Variants in CDKAL1 observed in about 807,000 individuals in gnomAD.
The protein encoded by CDKAL1 is threonylcarbamoyladenosine tRNA methylthiotransferase.
Under a neutral mutation model 68.2 loss-of-function variants are expected in CDKAL1, and 32 were observed. The observed-to-expected ratio is 0.47, with a 90% confidence interval of 0.35 to 0.63. The LOEUF (loss-of-function observed/expected upper bound fraction) is 0.63, where lower values mean the gene tolerates loss of function less well. Among genes scored for constraint, CDKAL1 ranks in the 30% least tolerant of loss-of-function variants. The pLI is 0.00. For synonymous variants in CDKAL1, 234 were observed against 244.3 expected (o/e 0.96, Z 0.39); for missense variants, 606 against 696.7 (o/e 0.87, Z 1.47).
Position 20,546,359 on chromosome 6 carries a change from T to C in CDKAL1, c.9T>C (p.Ser3=). 6.2e-7 allele frequency: 1 copy of C among 1,611,022 alleles called. No individual in the cohort carries two copies. The highest frequency in any genetic ancestry group is 8.5e-7 in the Non-Finnish European group (1 of 1,178,124). MP[S]ASCDTLLDDI... Reference sequence around the variant, plus strand: ...TTTATGTGGTAGAGAATATGCCTTCTGCATCCTGTGATACACTACTGGATG... The same window carrying C: ...TTTATGTGGTAGAGAATATGCCTTCCGCATCCTGTGATACACTACTGGATG... Residue 3 remains serine, a synonymous_variant, in exon 3 of 16, where the codon TCT becomes TCC. Transcript: ENST00000274695.
intron 4 of CDKAL1, among the ~76,000 whole-genome samples, chr6:20,562,004 C>T (rs914862566): frequency 3.3e-5 from 5 of 152,100 alleles, no homozygotes; most frequent in Admixed American, 6.6e-5. Flanking sequence ...TAATTTAATC[C>T]ATTCTTATTC....
At chr6:20,854,503 A>G (rs977809811) in intron 9 of CDKAL1, among the ~76,000 whole-genome samples, 20 of 152,264 alleles carry the variant, frequency 1.3e-4, no homozygotes, top group African/African-American at 3.6e-4. Flanking sequence ...GTATGATAAC[A>G]GTACATTATC....
At chr6:21,186,139 A>G (rs937166746) in intron 13 of CDKAL1, among the ~76,000 whole-genome samples, 5 of 152,144 alleles carry the variant, frequency 3.3e-5, no homozygotes, top group Admixed American at 1.3e-4. Context: ...TGTATTGCCC[A>G]CTGCTGAAAG....
intron 9 of CDKAL1, among the ~76,000 whole-genome samples, chr6:20,950,794 G>A (rs913324627): frequency 5.9e-5 from 9 of 151,932 alleles, no homozygotes; most frequent in Admixed American, 2.6e-4. Context: ...GCGAAAGCCC[G>A]TCTTTACTAA....
intron 4 of CDKAL1, among the ~76,000 whole-genome samples, chr6:20,553,355 A>C (rs1763906560): frequency 6.6e-6 from 1 of 151,910 alleles, no homozygotes; most frequent in Non-Finnish European, 1.5e-5. Context: ...CTAAAAATAC[A>C]AAAATTAGCC....
At chr6:20,708,935 A>G (rs1771724384) in intron 5 of CDKAL1, among the ~76,000 whole-genome samples, 1 of 152,126 alleles carries the variant, frequency 6.6e-6, no homozygotes, top group Non-Finnish European at 1.5e-5. Flanking sequence ...TAATAGTCAA[A>G]CATTGGTCAT....
Position 20,897,363 on chromosome 6 carries a change from A to G in CDKAL1, c.742+51185A>G, listed in dbSNP as rs535398154. Among the ~76,000 whole-genome samples, 31 of 152,286 alleles carry G rather than the reference A, an allele frequency of 2.0e-4. No homozygotes were observed. In the South Asian group the frequency reaches 2.7e-3, roughly 13 times the overall value. ...ATTGGGCACGAGTGGAGGTAGAAAG[A>G]TGCAGGCTCAGATGAAGAAGTGATT... On this transcript the variant is annotated intron_variant, in intron 9 of 15. Coordinates refer to ENST00000274695, the MANE Select transcript of CDKAL1 (RefSeq NM_017774.3).
At chr6:21,149,742 CTGGGAAGT>C (rs1317699802) in intron 13 of CDKAL1, among the ~76,000 whole-genome samples, 1 of 152,178 alleles carries the variant, frequency 6.6e-6, no homozygotes, top group African/African-American at 2.4e-5. Context: ...GATGCAAACA[CTGGGAAGT>C]TGGCTAAGGT....
intron 9 of CDKAL1, among the ~76,000 whole-genome samples, chr6:20,925,000 G>T (rs1416984625): frequency 1.3e-5 from 2 of 152,236 alleles, no homozygotes; most frequent in Non-Finnish European, 2.9e-5. Flanking sequence ...CAGTTCTGTT[G>T]TGGGTAAAAT....
At chr6:20,699,689 A>G (rs1010779877) in intron 5 of CDKAL1, among the ~76,000 whole-genome samples, 2 of 152,154 alleles carry the variant, frequency 1.3e-5, no homozygotes, top group African/African-American at 4.8e-5. Flanking sequence ...AACTTAGGAG[A>G]ATAAAAGCTC....
intron 9 of CDKAL1, among the ~76,000 whole-genome samples, chr6:20,884,513 G>A (rs973716235): frequency 1.3e-5 from 2 of 152,132 alleles, no homozygotes; most frequent in Non-Finnish European, 2.9e-5. Context: ...TCAGAGCAGT[G>A]AAACAGGAAA....
chr6:20,715,273 C>A (rs11963770), intron 5 of CDKAL1, among the ~76,000 whole-genome samples: 8,619 of 152,212 alleles, frequency 0.057, 803 homozygotes, highest in African/African-American at 0.19. Flanking sequence ...ACCCTCCCCC[C>A]ACCTTTTTAA....
At chr6:20,633,304 T>C (rs1205549837) in intron 4 of CDKAL1, among the ~76,000 whole-genome samples, 1 of 152,236 alleles carries the variant, frequency 6.6e-6, no homozygotes, top group East Asian at 1.9e-4. Flanking sequence ...TGTTCTTTTG[T>C]GCCTGACCTC....
chr6:20,908,364 T>C (rs951842904), intron 9 of CDKAL1, among the ~76,000 whole-genome samples: 8 of 152,316 alleles, frequency 5.3e-5, no homozygotes, highest in African/African-American at 1.9e-4. Context: ...TACTTGAAAA[T>C]ATTTACCATT....
intron 5 of CDKAL1, among the ~76,000 whole-genome samples, chr6:20,671,051 A>G (rs12527373): frequency 0.041 from 6,282 of 152,302 alleles, 182 homozygotes; most frequent in Middle Eastern, 0.061. Context: ...TCTAGAGTGC[A>G]GACTGCTGGA....
chr6:20,792,497 T>C (rs1186424661), intron 8 of CDKAL1, among the ~76,000 whole-genome samples: 5 of 152,236 alleles, frequency 3.3e-5, no homozygotes, highest in African/African-American at 1.2e-4. Context: ...TTATGTACTG[T>C]TCTGTTACTG....
intron 12 of CDKAL1, among the ~76,000 whole-genome samples, chr6:21,103,541 G>A (rs1004050164): frequency 1.1e-4 from 16 of 151,998 alleles, no homozygotes; most frequent in Admixed American, 2.6e-4. Flanking sequence ...TCAGATTCTC[G>A]GGAATCTAGA....
chr6:20,891,603 C>T (rs945461654), intron 9 of CDKAL1, among the ~76,000 whole-genome samples: 13 of 149,348 alleles, frequency 8.7e-5, no homozygotes, highest in South Asian at 2.1e-4. Context: ...GGCGCAGTCT[C>T]GGCTTGCTGC....
chr6:21,085,114 A>G (rs1295322409), intron 12 of CDKAL1, among the ~76,000 whole-genome samples: 1 of 152,224 alleles, frequency 6.6e-6, no homozygotes, highest in Non-Finnish European at 1.5e-5. Context: ...AGAGTTATCC[A>G]GGGGAAGATT....
Sources: allele counts gnomAD v4.1 joint callset (sites outside exome capture counted in the v4.1 genomes callset), GRCh38; gene constraint gnomAD v4.1.1; transcripts MANE v1.5; gene names NCBI Gene and HGNC (gene_info 2026-07-23, HGNC 2026-07-21).